The following ZNF793 variants were observed in gnomAD, a reference collection of about 807,000 sequenced individuals.
The protein encoded by ZNF793 is zinc finger protein 793.
Under a neutral mutation model 12.4 loss-of-function variants are expected in ZNF793, and 5 were observed. The observed-to-expected ratio is 0.40, with a 90% CI of 0.21 to 0.84. ZNF793 has a LOEUF of 0.84. Ranked by LOEUF, ZNF793 falls within the 40% of genes least tolerant of loss-of-function variation. The pLI is 0.35. For synonymous variants in ZNF793, 162 were observed against 172.4 expected, an observed-to-expected ratio of 0.94 and a Z score of 0.47; for missense variants, 456 against 495.0, an observed-to-expected ratio of 0.92 and a Z score of 0.75.
chr19:37,532,613 C>A, intron 6 of ZNF793, 131 bp downstream of exon 6: 1 of 958,908 alleles, frequency 1.0e-6, no homozygotes, highest in Non-Finnish European at 1.5e-6. Flanking sequence ...GAGTTTGAAA[C>A]CTGCCTGGCC....
intron 2 of ZNF793, among the ~76,000 whole-genome samples, chr19:37,519,789 C>T (rs1568788451): frequency 6.6e-6 from 1 of 152,154 alleles, no homozygotes; most frequent in East Asian, 1.9e-4. Context: ...TACTGAGACA[C>T]AGATAGACTA....
intron 2 of ZNF793, among the ~76,000 whole-genome samples, chr19:37,510,817 C>G (rs1246537375): frequency 1.3e-5 from 2 of 151,930 alleles, no homozygotes; most frequent in African/African-American, 2.4e-5. Flanking sequence ...CTGCCTCAGC[C>G]TCCCGAGTAG....
At chr19:37,532,902 G>A (rs2042473614) in intron 6 of ZNF793, among the ~76,000 whole-genome samples, 1 of 152,104 alleles carries the variant, frequency 6.6e-6, no homozygotes, top group Admixed American at 6.6e-5. Context: ...CACTTTCTAT[G>A]TGCCAGAAAT....
In ZNF793 at chr19:37,539,017, A is replaced by G. The variant is rs1242767603; in HGVS notation, c.*1138A>G. 6.6e-6 allele frequency: 1 copy of G among 152,136 alleles called. No individual in the cohort carries two copies. The highest frequency in any genetic ancestry group is 2.4e-5 in the African/African-American group (1 of 41,426). 9.4% of individuals were successfully genotyped at this position (152,136 alleles called of 1,614,324 possible). On this transcript the variant is annotated 3_prime_UTR_variant, in exon 8 of 8. Coordinates refer to ENST00000627814, the MANE Select transcript of ZNF793 (RefSeq NM_001013659.3). ...TTTATTATACCAGCTACATTTTTCC[A>G]CCTTTTTGTAATACATGTAAATGGC...
intron 3 of ZNF793, among the ~76,000 whole-genome samples, chr19:37,520,728 G>T (rs1364996649): frequency 1.3e-5 from 2 of 151,982 alleles, no homozygotes; most frequent in Non-Finnish European, 2.9e-5. Context: ...CTTTATTCTT[G>T]CTGGACCTCT....
intron 2 of ZNF793, among the ~76,000 whole-genome samples, chr19:37,516,375 T>A (rs112722485): frequency 0.016 from 2,413 of 152,306 alleles, 43 homozygotes; most frequent in African/African-American, 0.047. Context: ...CCTCAGGTGA[T>A]CTACCTGCCC....
In ZNF793 at chr19:37,518,101, G is replaced by A. The variant is rs118128193; in HGVS notation, c.-275-2083G>A. 6.3e-3 allele frequency among the ~76,000 whole-genome samples: 958 copies of A among 151,984 alleles called. 27 individuals carry two copies. Among genetic ancestry groups the A allele is most frequent in the East Asian group, 0.051 (265 of 5,174 alleles). On this transcript the variant is annotated intron_variant, in intron 2 of 7. Transcript: ENST00000627814. ...TACATCACAAATGCAGTTCCAAGTCGGAGTACACCACTCCATTATTATTAT... is the reference window on the plus strand; with the variant it reads ...TACATCACAAATGCAGTTCCAAGTCAGAGTACACCACTCCATTATTATTAT...
In ZNF793 at chr19:37,523,579, C is replaced by T. The variant is rs2042391266; in HGVS notation, c.15+125C>T. The stretch of plus-strand genomic sequence containing the variant: ...GGCTGGGTTCTCAGGGAAGCTGACT[C>T]ATAGATGGAGATTTTTCTCACAGGA... On this transcript the variant is annotated intron_variant, in intron 5 of 7. Transcript: ENST00000627814. The T allele has an allele frequency of 5.8e-6, 5 of 864,202 alleles. No homozygotes were observed. The African/African-American group carries it at 6.7e-5, about 12-fold the overall frequency. 53.5% of individuals were successfully genotyped at this position (864,202 alleles called of 1,614,324 possible).
rs980988278 is a variant in ZNF793 at position 37,542,444 on chromosome 19, C to T, written c.*4565C>T. The T allele has an allele frequency of 1.7e-5, 7 of 413,584 alleles. No homozygotes were observed. The highest frequency in any genetic ancestry group is 1.0e-4 in the African/African-American group (5 of 48,482). 25.6% of individuals were successfully genotyped at this position (413,584 alleles called of 1,614,324 possible). ...TAATATTATTAAAATATTTATGTCACTTTGGAGAATCTTCCCTTAGAAGTA... is the reference window on the plus strand; with the variant it reads ...TAATATTATTAAAATATTTATGTCATTTTGGAGAATCTTCCCTTAGAAGTA... On this transcript the variant is annotated 3_prime_UTR_variant, in exon 8 of 8. Transcript: ENST00000627814.
intron 6 of ZNF793, among the ~76,000 whole-genome samples, chr19:37,532,691 C>T (rs911304366): frequency 2.6e-4 from 39 of 152,042 alleles, no homozygotes; most frequent in Middle Eastern, 3.4e-3. Flanking sequence ...TGGTGGCGGG[C>T]GCCTGTAATC....
intron 2 of ZNF793, among the ~76,000 whole-genome samples, chr19:37,517,890 T>C (rs544678627): frequency 6.6e-6 from 1 of 152,306 alleles, no homozygotes; most frequent in Admixed American, 6.5e-5. Flanking sequence ...CCCAAATAAA[T>C]GTATAATTAT....
At chr19:37,529,121 G>A (rs1157224336) in intron 5 of ZNF793, among the ~76,000 whole-genome samples, 1 of 152,136 alleles carries the variant, frequency 6.6e-6, no homozygotes, top group Non-Finnish European at 1.5e-5. Context: ...TTAAGGTGCA[G>A]GTTCTGCTCT....
At position 37,510,190 on chromosome 19, in the gene ZNF793, A is replaced by G. The variant is rs538710119; in HGVS notation, c.-276+1787A>G. On this transcript the variant is annotated intron_variant, in intron 2 of 7. Transcript: ENST00000627814. ...AGCCTGCGCAACATAGCGAAACTCC[A>G]TCATTACAAAAAATTTAAAAATAAG... Among the ~76,000 whole-genome samples, 45 of 152,072 alleles carry G rather than the reference A, an allele frequency of 3.0e-4. 1 individual carries two copies. Among genetic ancestry groups the G allele is most frequent in the African/African-American group, 1.1e-3 (45 of 41,508 alleles).
chr19:37,515,900 C>T (rs2042328328), intron 2 of ZNF793, among the ~76,000 whole-genome samples: 1 of 151,868 alleles, frequency 6.6e-6, no homozygotes. Flanking sequence ...TCTCTTTGCC[C>T]CAAATTGTAA....
intron 3 of ZNF793, among the ~76,000 whole-genome samples, chr19:37,520,792 AT>A (rs1234176896): frequency 6.6e-6 from 1 of 152,066 alleles, no homozygotes; most frequent in East Asian, 1.9e-4. Context: ...TAGGAATGTG[AT>A]TAGTTCACTC....
chr19:37,510,353 A>C (rs2042283906), intron 2 of ZNF793, among the ~76,000 whole-genome samples: 1 of 150,968 alleles, frequency 6.6e-6, no homozygotes, highest in Non-Finnish European at 1.5e-5. Flanking sequence ...AAAACTACAA[A>C]AAAAAAAAAA....
chr19:37,510,092 G>T (rs1283711972), intron 2 of ZNF793, among the ~76,000 whole-genome samples: 3 of 152,120 alleles, frequency 2.0e-5, no homozygotes, highest in African/African-American at 7.2e-5. Context: ...CAGGCACAGT[G>T]GCTTACACCT....
At chr19:37,517,425 C>A (rs2042340951) in intron 2 of ZNF793, among the ~76,000 whole-genome samples, 1 of 147,432 alleles carries the variant, frequency 6.8e-6, no homozygotes, top group Admixed American at 6.9e-5. Context: ...CACCGCACTC[C>A]AGCCTGGGCA....
At chr19:37,535,280 C>T (rs1476652483) in intron 7 of ZNF793, 1 of 152,234 alleles carries the variant, frequency 6.6e-6, no homozygotes, top group Admixed American at 6.5e-5. Flanking sequence ...GCGTGAGCCA[C>T]TGCACCCAGC....
Sources: allele counts gnomAD v4.1 joint callset (sites outside exome capture counted in the v4.1 genomes callset), GRCh38; gene constraint gnomAD v4.1.1; transcripts MANE v1.5; gene names NCBI Gene and HGNC (gene_info 2026-07-23, HGNC 2026-07-21).